NCALD: variants seen among roughly 807,000 people sequenced by gnomAD.
The protein encoded by NCALD is neurocalcin delta.
A neutral mutation model predicts 18.6 loss-of-function variants in NCALD; 10 were observed. The ratio of observed to expected loss-of-function variants is 0.54; its 90% CI spans 0.33 to 0.91. The LOEUF is 0.91. NCALD is among the 40% of genes least tolerant of loss of function. The pLI is 0.03. For synonymous variants in NCALD, 88 were observed against 87.4 expected (o/e 1.01, Z -0.04); for missense variants, 184 against 247.6 (o/e 0.74, Z 1.72).
At chr8:101,697,568 C>A (rs1815058554) in intron 2 of NCALD, among the ~76,000 whole-genome samples, 1 of 152,132 alleles carries the variant, frequency 6.6e-6, no homozygotes, top group Non-Finnish European at 1.5e-5. Flanking sequence ...CAAGCCAAAT[C>A]CAGCAGCACA....
At chr8:102,049,811 T>A (rs1331056053) in intron 1 of NCALD, among the ~76,000 whole-genome samples, 1 of 152,188 alleles carries the variant, frequency 6.6e-6, no homozygotes, top group Non-Finnish European at 1.5e-5. Flanking sequence ...ATGTTTGCCC[T>A]CTGTATCTCT....
chr8:102,092,936 G>T (rs1019716896), intron 1 of NCALD, among the ~76,000 whole-genome samples: 2 of 152,160 alleles, frequency 1.3e-5, no homozygotes, highest in African/African-American at 2.4e-5. Context: ...ATAACTATAT[G>T]AGAGCAGGGA....
At chr8:101,765,280 ACTGGTGTGGATC>A (rs2130860538) in intron 1 of NCALD, among the ~76,000 whole-genome samples, 1 of 152,272 alleles carries the variant, frequency 6.6e-6, no homozygotes, top group East Asian at 1.9e-4. Context: ...TACCTAGCAC[ACTGGTGTGGATC>A]CAAGGAGCTT....
chr8:101,856,869 C>T lies in NCALD; in HGVS notation c.-20+30272G>A, dbSNP rs568502909. On this transcript the variant is annotated intron_variant, in intron 4 of 6. Transcript: ENST00000311028. ...TCCTTCTGCTCCTGGCAAATTGCTGCCTCTCCATTAGGAGCCATTCAGATG... is the reference window on the plus strand; with the variant it reads ...TCCTTCTGCTCCTGGCAAATTGCTGTCTCTCCATTAGGAGCCATTCAGATG... Among the ~76,000 whole-genome samples, 9 of 152,234 alleles carry T rather than the reference C, an allele frequency of 5.9e-5. No homozygotes were observed. In the South Asian group the frequency reaches 8.3e-4, roughly 14 times the overall value.
intron 4 of NCALD, among the ~76,000 whole-genome samples, chr8:101,805,170 T>C (rs1813053831): frequency 6.6e-6 from 1 of 152,152 alleles, no homozygotes; most frequent in South Asian, 2.1e-4. Context: ...CAAGAAAATA[T>C]ACTAAAACTC....
intron 1 of NCALD, among the ~76,000 whole-genome samples, chr8:101,754,190 T>C (rs183489656): frequency 8.5e-5 from 13 of 152,286 alleles, no homozygotes; most frequent in Non-Finnish European, 1.6e-4. Context: ...ACCAGTACAG[T>C]ATCTGGAATA....
chr8:101,751,254 C>T (rs1311335312), intron 1 of NCALD, among the ~76,000 whole-genome samples: 1 of 152,068 alleles, frequency 6.6e-6, no homozygotes, highest in Non-Finnish European at 1.5e-5. Context: ...ACAAATATTG[C>T]ATCATTCTAC....
chr8:101,939,963 T>C (rs1210615963), intron 2 of NCALD, among the ~76,000 whole-genome samples: 3 of 152,220 alleles, frequency 2.0e-5, no homozygotes, highest in African/African-American at 7.2e-5. Flanking sequence ...CTCATCATAC[T>C]ATAAAAGACC....
intron 1 of NCALD, among the ~76,000 whole-genome samples, chr8:102,073,777 TC>T (rs1201825641): frequency 6.6e-6 from 1 of 152,156 alleles, no homozygotes; most frequent in African/African-American, 2.4e-5. Flanking sequence ...CTAGGCAGGG[TC>T]CTAATGCTGT....
chr8:101,965,952 G>A lies in NCALD; in HGVS notation c.-156-50094C>T, dbSNP rs1054107893. Among the ~76,000 whole-genome samples, 8 of 152,016 alleles carry A rather than the reference G, an allele frequency of 5.3e-5. 1 individual carries two copies. The highest frequency in any genetic ancestry group is 1.7e-4 in the African/African-American group (7 of 41,392). On this transcript the variant is annotated intron_variant, in intron 2 of 6. Coordinates refer to the NCALD transcript ENST00000311028. ...ATAGATCAAAAAGGGTAAATTGATA[G>A]GTTTGACTGGATGAAAATAAAAGCT...
intron 4 of NCALD, among the ~76,000 whole-genome samples, chr8:101,854,356 T>C (rs1815220127): frequency 1.3e-5 from 2 of 152,274 alleles, no homozygotes; most frequent in African/African-American, 2.4e-5. Flanking sequence ...AAACTGGTTT[T>C]AATTTGGTTA....
intron 3 of NCALD, among the ~76,000 whole-genome samples, chr8:101,903,883 A>T (rs915901234): frequency 1.3e-5 from 2 of 152,178 alleles, no homozygotes; most frequent in African/African-American, 4.8e-5. Context: ...TATATCTGTG[A>T]GTCCCTGGTA....
intron 4 of NCALD, among the ~76,000 whole-genome samples, chr8:101,876,260 G>A (rs921613309): frequency 6.6e-6 from 1 of 152,322 alleles, no homozygotes; most frequent in African/African-American, 2.4e-5. Flanking sequence ...CCAACACACA[G>A]GGTGAAGCAT....
chr8:101,753,218 G>C (rs535903987), intron 1 of NCALD, among the ~76,000 whole-genome samples: 3 of 152,226 alleles, frequency 2.0e-5, no homozygotes, highest in Admixed American at 6.5e-5. Context: ...TGGTATAATC[G>C]GGCTTGAATT....
chr8:101,834,230 A>G (rs1814312385), intron 4 of NCALD, among the ~76,000 whole-genome samples: 1 of 152,224 alleles, frequency 6.6e-6, no homozygotes, highest in Admixed American at 6.5e-5. Flanking sequence ...CGATGCATTT[A>G]CTTCACACCT....
chr8:102,034,818 C>T (rs527329322), intron 1 of NCALD, among the ~76,000 whole-genome samples: 5 of 152,254 alleles, frequency 3.3e-5, no homozygotes, highest in African/African-American at 7.2e-5. Flanking sequence ...TAAACGTACG[C>T]GTCCCCTACA....
chr8:101,782,220 G>A (rs1042202704), intron 1 of NCALD, among the ~76,000 whole-genome samples: 12 of 151,786 alleles, frequency 7.9e-5, no homozygotes, highest in Admixed American at 7.2e-4. Flanking sequence ...GTATGACTTT[G>A]ATGAGTAATA....
At position 101,898,387 on chromosome 8, in the gene NCALD, T is replaced by C. The variant is rs540874568; in HGVS notation, c.-106-11160A>G. ...CATTCCCTCATTGGATTTTTGTTTTTTTAAAAAAATGTTGAGTTTGGAGTT... is the reference window on the plus strand; with the variant it reads ...CATTCCCTCATTGGATTTTTGTTTTCTTAAAAAAATGTTGAGTTTGGAGTT... On this transcript the variant is annotated intron_variant, in intron 3 of 6. Transcript: ENST00000311028. Among the ~76,000 whole-genome samples, 3 of 151,862 alleles carry C rather than the reference T, an allele frequency of 2.0e-5. No individual in the cohort carries two copies. The East Asian group carries it at 5.8e-4, about 29-fold the overall frequency.
chr8:101,705,407 G>A (rs1476100006), intron 2 of NCALD, among the ~76,000 whole-genome samples: 1 of 152,148 alleles, frequency 6.6e-6, no homozygotes, highest in Non-Finnish European at 1.5e-5. Context: ...CCTGATCGGA[G>A]GCAGGAAGAG....
Sources: gnomAD v4.1 joint callset for allele counts (sites outside exome capture counted in the v4.1 genomes callset) on GRCh38, gnomAD v4.1.1 for gene constraint, MANE v1.5 for transcripts, NCBI Gene and HGNC (gene_info 2026-07-23, HGNC 2026-07-21) for gene names.